CSMD1: variants seen among roughly 807,000 people sequenced by gnomAD.
CSMD1 encodes the protein CUB and Sushi multiple domains 1.
Under a neutral mutation model 417.5 loss-of-function variants are expected in CSMD1, and 213 were observed. That is an observed-to-expected ratio of 0.51 (90% CI 0.46 to 0.57). The LOEUF is 0.57. Among genes scored for constraint, CSMD1 ranks in the 20% least tolerant of loss-of-function variants. CSMD1 has a pLI of 0.00. For missense variants in CSMD1, 6,923 were observed against 4,529.7 expected (o/e 1.53, Z -15.17); for synonymous variants, 2,862 against 1,736.8 (o/e 1.65, Z -16.11).
At chr8:4,061,388 C>T (rs1187110970) in intron 3 of CSMD1, among the ~76,000 whole-genome samples, 1 of 152,120 alleles carries the variant, frequency 6.6e-6, no homozygotes, top group East Asian at 1.9e-4. Flanking sequence ...GAAGTAAGTG[C>T]ACAACAGATT....
At chr8:4,088,653 G>T (rs575952307) in intron 3 of CSMD1, among the ~76,000 whole-genome samples, 2 of 152,066 alleles carry the variant, frequency 1.3e-5, no homozygotes, top group African/African-American at 2.4e-5. Context: ...CAAAGTCATT[G>T]TCTTCATGTT....
intron 26 of CSMD1, among the ~76,000 whole-genome samples, chr8:3,256,826 T>A (rs1341101554): frequency 6.6e-6 from 1 of 152,212 alleles, no homozygotes; most frequent in African/African-American, 2.4e-5. Context: ...GTCACAGGAT[T>A]CTTATTTTAA....
chr8:4,134,973 C>T (rs750827067), intron 3 of CSMD1, among the ~76,000 whole-genome samples: 10 of 152,154 alleles, frequency 6.6e-5, no homozygotes, highest in Non-Finnish European at 1.5e-4. Context: ...TAGGCAGGCT[C>T]AGCTTAGTGT....
intron 26 of CSMD1, among the ~76,000 whole-genome samples, chr8:3,269,173 A>G (rs1801655545): frequency 6.6e-6 from 1 of 152,256 alleles, no homozygotes; most frequent in South Asian, 2.1e-4. Flanking sequence ...TATCTGTGTC[A>G]TGGACCAGGT....
intron 10 of CSMD1, among the ~76,000 whole-genome samples, chr8:3,548,965 G>T (rs1798795053): frequency 6.6e-6 from 1 of 152,118 alleles, no homozygotes; most frequent in African/African-American, 2.4e-5. Context: ...TCTTAACTCT[G>T]CTCTTGCAGA....
chr8:4,098,529 A>G (rs1448430383), intron 3 of CSMD1, among the ~76,000 whole-genome samples: 1 of 152,168 alleles, frequency 6.6e-6, no homozygotes, highest in Non-Finnish European at 1.5e-5. Flanking sequence ...GAAGTCAACC[A>G]CAGAGAGCTG....
chr8:4,068,499 C>A (rs1319997005), intron 3 of CSMD1, among the ~76,000 whole-genome samples: 4 of 152,098 alleles, frequency 2.6e-5, no homozygotes, highest in African/African-American at 9.7e-5. Flanking sequence ...ATTACAGAAA[C>A]AAAACAGGTT....
chr8:4,942,104 C>T (rs1346616141), intron 1 of CSMD1, among the ~76,000 whole-genome samples: 1 of 152,308 alleles, frequency 6.6e-6, no homozygotes, highest in East Asian at 1.9e-4. Flanking sequence ...TAACATTCCA[C>T]AATTCCTAAA....
intron 5 of CSMD1, among the ~76,000 whole-genome samples, chr8:3,990,751 G>A (rs912490925): frequency 1.3e-5 from 2 of 152,090 alleles, no homozygotes; most frequent in African/African-American, 4.8e-5. Context: ...GAGTTGCAGG[G>A]GCACCTGCTG....
At position 3,798,605 on chromosome 8, in the gene CSMD1, C is replaced by G. The variant is rs192732374; in HGVS notation, c.819-44563G>C. Among the ~76,000 whole-genome samples the G allele has an allele frequency of 3.3e-5, 5 of 152,200 alleles. No homozygotes were observed. The East Asian group carries it at 5.8e-4, about 18-fold the overall frequency. The stretch of plus-strand genomic sequence containing the variant: ...AAGGCAATTATAAATAAAATATTAA[C>G]TTTGCTTCCATGAAGCCAGTACTCA... On this transcript the variant is annotated intron_variant, in intron 5 of 69. Transcript: ENST00000635120.
At chr8:4,649,857 A>G (rs1237690161) in intron 1 of CSMD1, among the ~76,000 whole-genome samples, 1 of 152,228 alleles carries the variant, frequency 6.6e-6, no homozygotes, top group African/African-American at 2.4e-5. Context: ...TTTAACAAAT[A>G]AAAGAGGTTT....
intron 46 of CSMD1, among the ~76,000 whole-genome samples, chr8:3,104,155 G>C (rs764543593): frequency 6.6e-6 from 1 of 152,116 alleles, no homozygotes; most frequent in Non-Finnish European, 1.5e-5. Context: ...TTGAGGCTTT[G>C]TTTGTTGGGA....
chr8:4,421,574 C>G (rs1197385974), intron 2 of CSMD1, among the ~76,000 whole-genome samples: 1 of 151,952 alleles, frequency 6.6e-6, no homozygotes, highest in Admixed American at 6.6e-5. Context: ...AAACAACACA[C>G]TTCTAAATAA....
At chr8:3,075,952 G>A (rs991811915) in intron 49 of CSMD1, among the ~76,000 whole-genome samples, 3 of 151,538 alleles carry the variant, frequency 2.0e-5, no homozygotes, top group Non-Finnish European at 2.9e-5. Flanking sequence ...TAGGGACGCT[G>A]AGGCAGGAGA....
At chr8:3,071,824 A>C (rs1173991425) in intron 49 of CSMD1, among the ~76,000 whole-genome samples, 1 of 152,182 alleles carries the variant, frequency 6.6e-6, no homozygotes, top group African/African-American at 2.4e-5. Flanking sequence ...TATATTTATA[A>C]TTTGGTCACC....
At chr8:3,720,655 A>C (rs73658221) in intron 6 of CSMD1, among the ~76,000 whole-genome samples, 1,966 of 148,902 alleles carry the variant, frequency 0.013, 32 homozygotes, top group African/African-American at 0.046. Context: ...ACACACACAC[A>C]CCAGCACATT....
intron 2 of CSMD1, among the ~76,000 whole-genome samples, chr8:4,450,100 T>A (rs192655301): frequency 4.4e-4 from 67 of 152,312 alleles, no homozygotes; most frequent in African/African-American, 1.5e-3. Context: ...CTGCTCAATT[T>A]ATCCTGTACA....
intron 3 of CSMD1, among the ~76,000 whole-genome samples, chr8:4,237,365 G>A (rs1460936021): frequency 6.6e-6 from 1 of 151,978 alleles, no homozygotes; most frequent in African/African-American, 2.4e-5. Context: ...TTATTTCTGA[G>A]ACTCAGTTTC....
intron 1 of CSMD1, among the ~76,000 whole-genome samples, chr8:4,851,170 C>G (rs889472021): frequency 1.4e-5 from 2 of 139,302 alleles, no homozygotes; most frequent in Non-Finnish European, 3.0e-5. Flanking sequence ...TTATTCAATT[C>G]CCACCTATGA....
Sources: gnomAD v4.1 joint callset for allele counts (sites outside exome capture counted in the v4.1 genomes callset) on GRCh38, gnomAD v4.1.1 for gene constraint, MANE v1.5 for transcripts, NCBI Gene and HGNC (gene_info 2026-07-23, HGNC 2026-07-21) for gene names.